GPR149: variants seen among roughly 807,000 people sequenced by gnomAD.
GPR149 encodes the protein probable G protein-coupled receptor 149.
GPR149 carries 50 observed loss-of-function variants against 50.2 expected under a neutral mutation model. The observed-to-expected ratio is 1.00, with a 90% confidence interval of 0.79 to 1.26. The LOEUF (loss-of-function observed/expected upper bound fraction) is 1.26, where lower values mean the gene tolerates loss of function less well. GPR149 is among the 50% of genes most tolerant of loss of function. The pLI is 0.00. For synonymous variants in GPR149, 405 were observed against 358.2 expected (o/e 1.13, Z -1.48); for missense variants, 983 against 895.4 (o/e 1.10, Z -1.25).
chr3:154,339,914 C>T (rs775792358), intron 3 of GPR149, among the ~76,000 whole-genome samples: 3 of 150,552 alleles, frequency 2.0e-5, no homozygotes, highest in African/African-American at 2.4e-5. Context: ...CTCAGCCTCC[C>T]GAGTAGCTGG....
intron 3 of GPR149, among the ~76,000 whole-genome samples, chr3:154,419,171 C>A (rs1196673390): frequency 1.3e-5 from 2 of 151,886 alleles, no homozygotes; most frequent in Non-Finnish European, 2.9e-5. Flanking sequence ...CTATATTTAA[C>A]AAGTCAATAT....
At chr3:154,402,796 T>C (rs796547041) in intron 3 of GPR149, among the ~76,000 whole-genome samples, 6 of 152,234 alleles carry the variant, frequency 3.9e-5, no homozygotes, top group African/African-American at 9.6e-5. Context: ...TTCACATACA[T>C]GCCTGTGTGG....
rs181560774 is a variant in GPR149, at chr3:154,356,637, C to A, written c.1624-18366G>T. On this transcript the variant is annotated intron_variant, in intron 3 of 3. Transcript: ENST00000389740. ...TCCAACTTACAAGGGATGTGAAGGA[C>A]CTTTTCAAGGAGAACTACAAACCAC... Among the ~76,000 whole-genome samples the A allele has an allele frequency of 3.5e-3, 531 of 152,136 alleles. 3 individuals carry two copies. Among genetic ancestry groups the A allele is most frequent in the African/African-American group, 0.012 (509 of 41,490 alleles).
chr3:154,375,866 A>G (rs1472476561), intron 3 of GPR149, among the ~76,000 whole-genome samples: 1 of 152,116 alleles, frequency 6.6e-6, no homozygotes, highest in East Asian at 1.9e-4. Context: ...AAGCCATAGA[A>G]AACACAAATT....
intron 3 of GPR149, 70 bp from the exon 4 acceptor site, chr3:154,338,341 T>G: frequency 8.3e-7 from 1 of 1,212,000 alleles, no homozygotes; most frequent in Non-Finnish European, 1.1e-6. Context: ...GAAATTCATT[T>G]TGTTCATCAG....
chr3:154,338,043 G>A lies in GPR149; in HGVS notation c.1852C>T (p.His618Tyr). 6.2e-7 allele frequency: 1 copy of A among 1,614,162 alleles called. No individual in the cohort carries two copies. Among genetic ancestry groups the A allele is most frequent in the East Asian group, 2.2e-5 (1 of 44,880 alleles). ...TCACAAATTTCAAGAACCTCCAAGT[G>A]TATTTTCACACTGGTGTCCACAAAC... ...STFVDTSVKI[H>Y]LEVLEICDNE... Residue 618 changes from histidine (H) to tyrosine (Y), a missense_variant, in exon 4 of 4, where the codon CAC becomes TAC. His to Tyr is a moderately conservative substitution (Grantham distance 83, BLOSUM62 2). Coordinates refer to ENST00000389740, the MANE Select transcript of GPR149 (RefSeq NM_001038705.3).
chr3:154,400,574 T>G (rs1245844734), intron 3 of GPR149, among the ~76,000 whole-genome samples: 1 of 152,072 alleles, frequency 6.6e-6, no homozygotes, highest in Non-Finnish European at 1.5e-5. Context: ...AATATTGTCA[T>G]TCTGATGCTC....
At chr3:154,355,804 C>T (rs1714206240) in intron 3 of GPR149, among the ~76,000 whole-genome samples, 1 of 152,048 alleles carries the variant, frequency 6.6e-6, no homozygotes, top group Non-Finnish European at 1.5e-5. Flanking sequence ...TTTCTCATAC[C>T]TAATTCACCA....
intron 3 of GPR149, among the ~76,000 whole-genome samples, chr3:154,419,234 A>G (rs372386743): frequency 6.6e-6 from 1 of 152,084 alleles, no homozygotes; most frequent in Non-Finnish European, 1.5e-5. Context: ...TACATAAATC[A>G]TTTTAATTTT....
At chr3:154,402,788 C>T (rs1252124105) in intron 3 of GPR149, among the ~76,000 whole-genome samples, 1 of 152,182 alleles carries the variant, frequency 6.6e-6, no homozygotes, top group Non-Finnish European at 1.5e-5. Context: ...AAATCTTCTT[C>T]ACATACATGC....
At chr3:154,406,509 C>T (rs1351042146) in intron 3 of GPR149, among the ~76,000 whole-genome samples, 1 of 152,140 alleles carries the variant, frequency 6.6e-6, no homozygotes, top group Non-Finnish European at 1.5e-5. Flanking sequence ...ATATTGGAAA[C>T]AAGCTACAGA....
chr3:154,353,857 A>G (rs1196725551), intron 3 of GPR149: 12 of 612,662 alleles, frequency 2.0e-5, no homozygotes, highest in African/African-American at 1.9e-4. Context: ...TAGGAAAGAG[A>G]TATGTTACCC....
intron 3 of GPR149, chr3:154,354,202 C>A: frequency 2.0e-6 from 1 of 493,952 alleles, no homozygotes; most frequent in South Asian, 1.6e-5. Flanking sequence ...TTTTTGATTT[C>A]TCATCTGGGT....
At chr3:154,369,208 G>T (rs1418380036) in intron 3 of GPR149, among the ~76,000 whole-genome samples, 1 of 152,104 alleles carries the variant, frequency 6.6e-6, no homozygotes, top group African/African-American at 2.4e-5. Flanking sequence ...CCCTTAAGAT[G>T]GGACAAATTC....
intron 3 of GPR149, among the ~76,000 whole-genome samples, chr3:154,411,411 G>A (rs2108423848): frequency 6.6e-6 from 1 of 152,014 alleles, no homozygotes; most frequent in East Asian, 1.9e-4. Context: ...AAACAAATAG[G>A]TGGTTCTTTG....
intron 3 of GPR149, among the ~76,000 whole-genome samples, chr3:154,370,495 G>C (rs1384584788): frequency 1.3e-5 from 2 of 152,096 alleles, no homozygotes; most frequent in Admixed American, 6.5e-5. Flanking sequence ...AAAACAAACT[G>C]TCCCCTCGCC....
chr3:154,344,994 G>T (rs1335865669), intron 3 of GPR149, among the ~76,000 whole-genome samples: 2 of 152,160 alleles, frequency 1.3e-5, no homozygotes, highest in Non-Finnish European at 2.9e-5. Context: ...TCTTTTTCTG[G>T]ACACTGGGGC....
chr3:154,429,967 T>A lies in GPR149; in HGVS notation c.-352A>T, dbSNP rs1712439176. 6.6e-6 allele frequency among the ~76,000 whole-genome samples: 1 copy of A among 152,150 alleles called. No homozygotes were observed. The highest frequency in any genetic ancestry group is 6.5e-5 in the Admixed American group (1 of 15,272). ...TCAGGTACATTAAAAACCAATGATG[T>A]CTGGATCCTTTGGGGTCCTTCTTAT... On this transcript the variant is annotated 5_prime_UTR_variant, in exon 1 of 4. Transcript: ENST00000389740.
In GPR149 at chr3:154,428,428, C is replaced by A. The variant is rs993010773; in HGVS notation, c.981+207G>T. On this transcript the variant is annotated intron_variant, in intron 1 of 3. Transcript: ENST00000389740. ...TGCCCCTGACTTTTGAAAGGAGAAGCATTTAGTAGTAAAGGTTTCGCAGCC... is the reference window on the plus strand; with the variant it reads ...TGCCCCTGACTTTTGAAAGGAGAAGAATTTAGTAGTAAAGGTTTCGCAGCC... 2.6e-5 allele frequency among the ~76,000 whole-genome samples: 4 copies of A among 152,208 alleles called. 1 individual carries two copies. The highest frequency in any genetic ancestry group is 5.9e-5 in the Non-Finnish European group (4 of 68,038).
Sources: gnomAD v4.1 joint callset for allele counts (sites outside exome capture counted in the v4.1 genomes callset) on GRCh38, gnomAD v4.1.1 for gene constraint, MANE v1.5 for transcripts, NCBI Gene and HGNC (gene_info 2026-07-23, HGNC 2026-07-21) for gene names.